MDGA2: variants seen among roughly 807,000 people sequenced by gnomAD.
The protein encoded by MDGA2 is MAM domain-containing glycosylphosphatidylinositol anchor protein 2.
MDGA2 carries 40 observed loss-of-function variants against 117.8 expected under a neutral mutation model. The ratio of observed to expected loss-of-function variants is 0.34; its 90% CI spans 0.26 to 0.44. The LOEUF is 0.44. Ranked by LOEUF, MDGA2 falls within the 20% of genes least tolerant of loss-of-function variation. The pLI is 1.00. For missense variants in MDGA2, 1,123 were observed against 1,250.6 expected, an observed-to-expected ratio of 0.90 and a Z score of 1.54; for synonymous variants, 452 against 439.0, an observed-to-expected ratio of 1.03 and a Z score of -0.37.
At chr14:47,541,480 C>T (rs1161093914) in intron 1 of MDGA2, among the ~76,000 whole-genome samples, 2 of 152,266 alleles carry the variant, frequency 1.3e-5, no homozygotes, top group African/African-American at 4.8e-5. Context: ...GATGCTCAAA[C>T]TCTTAATGTT....
At chr14:47,347,401 A>G (rs560376239) in intron 1 of MDGA2, among the ~76,000 whole-genome samples, 4 of 152,276 alleles carry the variant, frequency 2.6e-5, no homozygotes, top group African/African-American at 7.2e-5. Context: ...TAAATGTAAC[A>G]TGTTTTGATG....
At chr14:47,204,828 C>A (rs773341500) in intron 3 of MDGA2, among the ~76,000 whole-genome samples, 20 of 152,056 alleles carry the variant, frequency 1.3e-4, no homozygotes, top group African/African-American at 4.8e-4. Context: ...ATTATATATT[C>A]TAAAACAATT....
chr14:46,964,637 A>C (rs1885943296), intron 8 of MDGA2, among the ~76,000 whole-genome samples: 1 of 152,214 alleles, frequency 6.6e-6, no homozygotes, highest in African/African-American at 2.4e-5. Flanking sequence ...GTTGCAATTT[A>C]ATAGCTCACA....
chr14:47,457,508 T>C (rs1202419239), intron 1 of MDGA2, among the ~76,000 whole-genome samples: 1 of 152,152 alleles, frequency 6.6e-6, no homozygotes, highest in Non-Finnish European at 1.5e-5. Context: ...AACAATAATT[T>C]AGAAAACAAA....
rs866395992 is a variant in MDGA2 at position 47,335,302 on chromosome 14, A to T, written c.281-33752T>A. Reference sequence around the variant, plus strand: ...TATATGGTAAAAAAAAAAAAAAAAAAAGGTTTCCGTAGGTTGAGGGGTTGC... The same window carrying T: ...TATATGGTAAAAAAAAAAAAAAAAATAGGTTTCCGTAGGTTGAGGGGTTGC... On this transcript the variant is annotated intron_variant, in intron 1 of 16. Transcript: ENST00000399232. Among the ~76,000 whole-genome samples, 290 of 146,626 alleles carry T rather than the reference A, an allele frequency of 2.0e-3. 1 individual carries two copies. Among genetic ancestry groups the T allele is most frequent in the African/African-American group, 6.9e-3 (274 of 39,834 alleles).
chr14:47,497,201 A>G (rs1894299831), intron 1 of MDGA2, among the ~76,000 whole-genome samples: 1 of 152,158 alleles, frequency 6.6e-6, no homozygotes, highest in Non-Finnish European at 1.5e-5. Flanking sequence ...ATAAATTTAG[A>G]AACCATTAAA....
At chr14:47,023,733 A>C (rs1888375979) in intron 8 of MDGA2, among the ~76,000 whole-genome samples, 1 of 152,198 alleles carries the variant, frequency 6.6e-6, no homozygotes, top group Non-Finnish European at 1.5e-5. Flanking sequence ...CTATACTTTT[A>C]ATTTTAGTCA....
At chr14:47,292,617 G>A (rs1255333736) in intron 2 of MDGA2, among the ~76,000 whole-genome samples, 2 of 151,622 alleles carry the variant, frequency 1.3e-5, no homozygotes, top group Non-Finnish European at 2.9e-5. Context: ...TCCTTTGAAG[G>A]AAGGATTGAG....
chr14:47,616,565 G>A (rs1896951670), intron 1 of MDGA2, among the ~76,000 whole-genome samples: 1 of 152,092 alleles, frequency 6.6e-6, no homozygotes, highest in Non-Finnish European at 1.5e-5. Flanking sequence ...CTTCTCCTGT[G>A]AATTACTGGG....
chr14:47,363,754 G>A (rs1232708381), intron 1 of MDGA2, among the ~76,000 whole-genome samples: 1 of 151,902 alleles, frequency 6.6e-6, no homozygotes, highest in African/African-American at 2.4e-5. Context: ...AATAAGGAAG[G>A]GAAGAGAAGG....
chr14:47,157,378 G>T (rs1317232740), intron 3 of MDGA2, among the ~76,000 whole-genome samples: 1 of 152,058 alleles, frequency 6.6e-6, no homozygotes, highest in Admixed American at 6.6e-5. Context: ...TCTTCAATAA[G>T]TTTTTTAAAA....
At chr14:47,540,512 A>ATGTG (rs1895323540) in intron 1 of MDGA2, among the ~76,000 whole-genome samples, 1 of 99,930 alleles carries the variant, frequency 1.0e-5, no homozygotes, top group Non-Finnish European at 2.1e-5. Flanking sequence ...TTGTATATGT[A>ATGTG]TATGTATATG....
intron 1 of MDGA2, among the ~76,000 whole-genome samples, chr14:47,632,138 T>C (rs1273201303): frequency 6.6e-6 from 1 of 152,210 alleles, no homozygotes; most frequent in Non-Finnish European, 1.5e-5. Context: ...TGCATTCATA[T>C]GTCCTACTAT....
chr14:47,594,114 T>A (rs1896493070), intron 1 of MDGA2, among the ~76,000 whole-genome samples: 1 of 152,164 alleles, frequency 6.6e-6, no homozygotes, highest in South Asian at 2.1e-4. Flanking sequence ...AGAAAAGAAT[T>A]TAGATTCAGC....
rs190300799 is a variant in MDGA2 at position 47,141,212 on chromosome 14, C to G, written c.792+2866G>C. On this transcript the variant is annotated intron_variant, in intron 4 of 16. Coordinates refer to ENST00000399232, the MANE Select transcript of MDGA2 (RefSeq NM_001113498.3). ...CTGTTGGCGGGAATGCAAATTAGTA[C>G]AGCCATTATGGAAAACAGTATAGAG... 2.5e-3 allele frequency among the ~76,000 whole-genome samples: 376 copies of G among 152,174 alleles called. 3 individuals are homozygous for G. The highest frequency in any genetic ancestry group is 8.7e-3 in the African/African-American group (361 of 41,536).
intron 1 of MDGA2, among the ~76,000 whole-genome samples, chr14:47,656,049 C>T (rs1897737160): frequency 6.6e-6 from 1 of 152,170 alleles, no homozygotes; most frequent in Admixed American, 6.5e-5. Flanking sequence ...ACTTGACAAA[C>T]AGTTTATGGC....
intron 1 of MDGA2, among the ~76,000 whole-genome samples, chr14:47,625,110 T>C (rs1291009176): frequency 1.7e-4 from 26 of 152,266 alleles, no homozygotes; most frequent in Non-Finnish European, 1.5e-5. Context: ...ATTGTATAGG[T>C]AGTAAGTGAC....
chr14:47,296,707 C>G (rs1204046753), intron 2 of MDGA2, among the ~76,000 whole-genome samples: 1 of 152,192 alleles, frequency 6.6e-6, no homozygotes, highest in Non-Finnish European at 1.5e-5. Context: ...AGGAAGGAAA[C>G]TATGCTACAG....
Position 47,016,887 on chromosome 14 carries a change from C to G in MDGA2, c.1819+18124G>C, listed in dbSNP as rs574788239. The stretch of plus-strand genomic sequence containing the variant: ...GTTTATGCAACTCACCTGCAAAAGC[C>G]TCTAAAACATTTGCTCAAAATATTT... On this transcript the variant is annotated intron_variant, in intron 8 of 16. Transcript: ENST00000399232. Among the ~76,000 whole-genome samples the G allele has an allele frequency of 2.1e-4, 32 of 152,092 alleles. No homozygotes were observed. The South Asian group carries it at 6.2e-3, about 30-fold the overall frequency.
Sources: gnomAD v4.1 joint callset for allele counts (sites outside exome capture counted in the v4.1 genomes callset) on GRCh38, gnomAD v4.1.1 for gene constraint, MANE v1.5 for transcripts, NCBI Gene and HGNC (gene_info 2026-07-23, HGNC 2026-07-21) for gene names.